FLI1: variants seen among roughly 807,000 people sequenced by gnomAD.
FLI1 encodes the protein Fli-1 proto-oncogene, ETS transcription factor, also known as Friend leukemia integration 1 transcription factor.
Under a neutral mutation model 53.1 loss-of-function variants are expected in FLI1, and 13 were observed. The ratio of observed to expected loss-of-function variants is 0.24; its 90% confidence interval spans 0.16 to 0.39. FLI1 has a LOEUF of 0.39. Ranked by LOEUF, FLI1 falls within the 10% of genes least tolerant of loss-of-function variation. The probability of loss-of-function intolerance (pLI) is 1.00; values close to 1 mark genes in which losing one functional copy is unlikely to be tolerated. For missense variants in FLI1, 424 were observed against 600.5 expected, an observed-to-expected ratio of 0.71 and a Z score of 3.07; for synonymous variants, 244 against 236.7, an observed-to-expected ratio of 1.03 and a Z score of -0.28.
upstream of FLI1, among the ~76,000 whole-genome samples, chr11:128,691,198 C>T (rs1390269749): frequency 6.6e-6 from 1 of 152,242 alleles, no homozygotes; most frequent in African/African-American, 2.4e-5. Context: ...CTGCCAGGAT[C>T]AAACCATCTT....
chr11:128,790,258 T>C (rs1159411462), intron 5 of FLI1, among the ~76,000 whole-genome samples: 1 of 151,554 alleles, frequency 6.6e-6, no homozygotes, highest in Non-Finnish European at 1.5e-5. Context: ...GTTGCATTTT[T>C]TTTTTTTTCC....
At chr11:128,718,387 A>T (rs1424713948) in intron 1 of FLI1, among the ~76,000 whole-genome samples, 1 of 152,138 alleles carries the variant, frequency 6.6e-6, no homozygotes, top group Non-Finnish European at 1.5e-5. Flanking sequence ...TTGCTTTCCA[A>T]AGTGCCTCAA....
chr11:128,694,899 A>T (rs7930515), intron 1 of FLI1, among the ~76,000 whole-genome samples: 1 of 151,968 alleles, frequency 6.6e-6, no homozygotes, highest in Non-Finnish European at 1.5e-5. Context: ...GCCCGGCTCT[A>T]GGCGCTGGAG....
chr11:128,694,170 C>A lies in FLI1; in HGVS notation c.-89C>A. ...AGGGCCCAGGGCGCCAGGGAGGCCG[C>A]GCCGGGCTAATCCGAAGGGGCTGCG... On this transcript the variant is annotated 5_prime_UTR_variant, in exon 1 of 9. Transcript: ENST00000527786. 3 of 1,433,836 alleles carry A rather than the reference C, an allele frequency of 2.1e-6. No homozygotes were observed. Among genetic ancestry groups the A allele is most frequent in the Non-Finnish European group, 2.8e-6 (3 of 1,080,000 alleles). The allele number at this position is 1,433,836 out of a possible 1,614,324, so 88.8% of individuals were successfully genotyped here.
intron 5 of FLI1, among the ~76,000 whole-genome samples, chr11:128,785,813 G>A (rs1364225332): frequency 1.3e-5 from 2 of 152,210 alleles, no homozygotes; most frequent in Non-Finnish European, 2.9e-5. Context: ...GAGCCAGAAG[G>A]TACATGGTGG....
Position 128,782,008 on chromosome 11 carries a change from T to C in FLI1, c.640T>C (p.Leu214=), listed in dbSNP as rs763507751. The C allele has an allele frequency of 7.4e-6, 12 of 1,613,792 alleles. No homozygotes were observed. In the South Asian group the frequency reaches 8.8e-5, roughly 12 times the overall value. The change falls in exon 5 of 9, where the codon TTG becomes CTG. Residue 214 remains leucine, a synonymous_variant. Transcript: ENST00000527786. ...CTCCCACACCGACCAATCCTCACGA[T>C]TGAGTGTCAAAGAAGGTAAGTTTGT... ...TTSHTDQSSR[L]SVKEDPSYDS... is the part of the protein sequence containing the mutation.
upstream of FLI1, chr11:128,693,872 G>A (rs535649413): frequency 4.7e-3 from 906 of 194,578 alleles, 5 homozygotes; most frequent in Admixed American, 6.2e-3. Flanking sequence ...AGGGGAGGAA[G>A]AGGGGGTGTG....
At chr11:128,762,315 A>G (rs1462435098) in intron 2 of FLI1, among the ~76,000 whole-genome samples, 2 of 152,198 alleles carry the variant, frequency 1.3e-5, no homozygotes, top group Non-Finnish European at 2.9e-5. Flanking sequence ...TGTTATAATG[A>G]TTCTGAACTT....
intron 1 of FLI1, among the ~76,000 whole-genome samples, chr11:128,746,967 G>A (rs1444271054): frequency 1.3e-5 from 2 of 152,220 alleles, no homozygotes; most frequent in Non-Finnish European, 2.9e-5. Context: ...GCAGTGTGGT[G>A]ATTGGCTGCC....
At chr11:128,751,811 G>T (rs1456208042) in intron 1 of FLI1, among the ~76,000 whole-genome samples, 2 of 135,184 alleles carry the variant, frequency 1.5e-5, no homozygotes, top group East Asian at 4.3e-4. Flanking sequence ...TACAGGCGTG[G>T]GTTTTTTTTT....
At chr11:128,754,122 T>C (rs565686613) in intron 1 of FLI1, among the ~76,000 whole-genome samples, 1 of 152,184 alleles carries the variant, frequency 6.6e-6, no homozygotes, top group African/African-American at 2.4e-5. Flanking sequence ...GACAGGGAAC[T>C]CTTCTCCTTC....
chr11:128,787,742 T>C (rs890656628), intron 5 of FLI1, among the ~76,000 whole-genome samples: 3 of 152,216 alleles, frequency 2.0e-5, no homozygotes, highest in Non-Finnish European at 4.4e-5. Flanking sequence ...TAGTAAATTG[T>C]TATTCTAATT....
chr11:128,769,763 C>T (rs1941484662), intron 3 of FLI1, among the ~76,000 whole-genome samples: 1 of 152,174 alleles, frequency 6.6e-6, no homozygotes, highest in Non-Finnish European at 1.5e-5. Flanking sequence ...TTCTAGGTGC[C>T]AGGCACCACG....
intron 4 of FLI1, among the ~76,000 whole-genome samples, chr11:128,773,920 T>A (rs1941653441): frequency 6.6e-6 from 1 of 151,974 alleles, no homozygotes; most frequent in Non-Finnish European, 1.5e-5. Flanking sequence ...AGCCTTGAGA[T>A]GCTATTTGTT....
chr11:128,762,303 G>T (rs1941152527), intron 2 of FLI1, among the ~76,000 whole-genome samples: 1 of 152,188 alleles, frequency 6.6e-6, no homozygotes, highest in African/African-American at 2.4e-5. Context: ...GATAGGAGAG[G>T]ATGTTATAAT....
chr11:128,775,697 G>A (rs1310443694), intron 4 of FLI1, among the ~76,000 whole-genome samples: 2 of 152,212 alleles, frequency 1.3e-5, no homozygotes, highest in African/African-American at 4.8e-5. Context: ...TCTGTGCTTA[G>A]GAGGAAGGCC....
chr11:128,724,405 C>T lies in FLI1; in HGVS notation c.18+30129C>T, dbSNP rs779849317. 1.3e-4 allele frequency among the ~76,000 whole-genome samples: 20 copies of T among 152,060 alleles called. 1 individual carries two copies. Among genetic ancestry groups the T allele is most frequent in the East Asian group, 5.8e-4 (3 of 5,190 alleles). ...AGGCAGGACACAGGTGAGGCCTGAC[C>T]CCAGAAAGCCTATTGTGCCAGGCTA... On this transcript the variant is annotated intron_variant, in intron 1 of 8. Transcript: ENST00000527786.
At chr11:128,695,501 G>A (rs1274784782) in intron 1 of FLI1, among the ~76,000 whole-genome samples, 1 of 152,208 alleles carries the variant, frequency 6.6e-6, no homozygotes, top group Admixed American at 6.5e-5. Context: ...GCAAGAGAAG[G>A]CTAAGATGTT....
chr11:128,755,897 G>C (rs1565483675), intron 1 of FLI1, among the ~76,000 whole-genome samples: 4 of 152,144 alleles, frequency 2.6e-5, no homozygotes, highest in Admixed American at 2.0e-4. Context: ...TTTTTTCCCT[G>C]ATCCCAGCTG....
Sources: gnomAD v4.1 joint callset for allele counts (sites outside exome capture counted in the v4.1 genomes callset) on GRCh38, gnomAD v4.1.1 for gene constraint, MANE v1.5 for transcripts, NCBI Gene and HGNC (gene_info 2026-07-23, HGNC 2026-07-21) for gene names.